RBFOX1: variants seen among roughly 807,000 people sequenced by gnomAD.
RBFOX1 encodes RNA binding protein fox-1 homolog 1.
RBFOX1 carries 8 observed loss-of-function variants against 57.7 expected under a neutral mutation model. The ratio of observed to expected loss-of-function variants is 0.14; its 90% confidence interval spans 0.08 to 0.25. The LOEUF (loss-of-function observed/expected upper bound fraction) is 0.25, where lower values mean the gene tolerates loss of function less well. Among genes scored for constraint, RBFOX1 ranks in the 10% least tolerant of loss-of-function variants. The pLI, the probability that RBFOX1 is intolerant of heterozygous loss-of-function variation, is 1.00. For missense variants in RBFOX1, 611 were observed against 548.5 expected (o/e 1.11, Z -1.14); for synonymous variants, 326 against 222.4 (o/e 1.47, Z -4.15).
At chr16:7,235,703 A>G (rs2093732850) in intron 4 of RBFOX1, among the ~76,000 whole-genome samples, 1 of 152,166 alleles carries the variant, frequency 6.6e-6, no homozygotes, top group Non-Finnish European at 1.5e-5. Context: ...GTTGGAGAGA[A>G]GTTGTCTCTT....
At chr16:7,227,847 C>G (rs1376647061) in intron 4 of RBFOX1, among the ~76,000 whole-genome samples, 1 of 152,220 alleles carries the variant, frequency 6.6e-6, no homozygotes, top group Non-Finnish European at 1.5e-5. Context: ...ATGATGACTT[C>G]TGTACTGGCT....
chr16:5,881,914 C>T (rs2057773645), intron 4 of RBFOX1, among the ~76,000 whole-genome samples: 1 of 152,192 alleles, frequency 6.6e-6, no homozygotes, highest in Non-Finnish European at 1.5e-5. Flanking sequence ...ATAATTACTT[C>T]AGTAGCAGTG....
At chr16:7,431,864 C>A (rs1208916951) in intron 4 of RBFOX1, among the ~76,000 whole-genome samples, 4 of 152,172 alleles carry the variant, frequency 2.6e-5, no homozygotes, top group Admixed American at 2.6e-4. Context: ...GTAATTAGCT[C>A]CCCATTAGAA....
At chr16:5,335,816 A>C (rs570526823) in intron 1 of RBFOX1, among the ~76,000 whole-genome samples, 3 of 152,158 alleles carry the variant, frequency 2.0e-5, no homozygotes, top group African/African-American at 7.2e-5. Context: ...CCTTGTGTGC[A>C]TAAGTGAATG....
chr16:7,027,424 C>G (rs1490383931), intron 3 of RBFOX1, among the ~76,000 whole-genome samples: 2 of 152,120 alleles, frequency 1.3e-5, no homozygotes, highest in Non-Finnish European at 2.9e-5. Flanking sequence ...CCCTTAACAT[C>G]TCCTTTTTTC....
chr16:7,413,765 G>C (rs1333955916), intron 4 of RBFOX1, among the ~76,000 whole-genome samples: 1 of 152,144 alleles, frequency 6.6e-6, no homozygotes, highest in Non-Finnish European at 1.5e-5. Flanking sequence ...TTAATGACAA[G>C]AGTATTTTCC....
intron 4 of RBFOX1, among the ~76,000 whole-genome samples, chr16:7,179,112 C>G (rs553308271): frequency 3.9e-5 from 6 of 152,104 alleles, no homozygotes; most frequent in African/African-American, 1.2e-4. Context: ...TGGTCAGATC[C>G]CAGATTACTC....
intron 1 of RBFOX1, among the ~76,000 whole-genome samples, chr16:6,290,421 G>A (rs13338389): frequency 1.1e-4 from 17 of 151,846 alleles, no homozygotes; most frequent in Middle Eastern, 3.4e-3. Context: ...AGCTTGGATC[G>A]TTGTATTTAG....
At chr16:5,342,444 T>C (rs2065052853) in intron 1 of RBFOX1, among the ~76,000 whole-genome samples, 1 of 152,190 alleles carries the variant, frequency 6.6e-6, no homozygotes, top group Non-Finnish European at 1.5e-5. Context: ...CTCTATTTCT[T>C]CCTGCTCTGT....
At position 5,610,980 on chromosome 16, in the gene RBFOX1, C is replaced by G. The variant is rs539263791; in HGVS notation, c.318+12019C>G. 2.0e-5 allele frequency among the ~76,000 whole-genome samples: 3 copies of G among 152,328 alleles called. No homozygotes were observed. The East Asian group carries it at 5.8e-4, about 29-fold the overall frequency. On this transcript the variant is annotated intron_variant, in intron 3 of 19. Transcript: ENST00000641259. The stretch of plus-strand genomic sequence containing the variant: ...GGTTCTCAGGCTAAAATCCAAACTC[C>G]TTGACACAGCTTACAGAGCATCCTA...
intron 1 of RBFOX1, among the ~76,000 whole-genome samples, chr16:6,041,454 G>A (rs1177059044): frequency 3.3e-5 from 5 of 152,226 alleles, no homozygotes; most frequent in Admixed American, 6.5e-5. Context: ...GTTGGGCACT[G>A]TTCTTTCTTA....
intron 1 of RBFOX1, among the ~76,000 whole-genome samples, chr16:5,273,055 C>T (rs535636876): frequency 6.6e-6 from 1 of 152,002 alleles, no homozygotes; most frequent in Admixed American, 6.6e-5. Flanking sequence ...GTACTGCCAC[C>T]GGGGAGAAAT....
intron 4 of RBFOX1, among the ~76,000 whole-genome samples, chr16:7,333,995 A>G (rs1472266566): frequency 6.6e-6 from 1 of 152,174 alleles, no homozygotes; most frequent in Non-Finnish European, 1.5e-5. Context: ...AAATATATTT[A>G]GGTACGTCCT....
intron 8 of RBFOX1, among the ~76,000 whole-genome samples, chr16:7,596,455 G>T (rs2094705803): frequency 6.6e-6 from 1 of 151,734 alleles, no homozygotes. Context: ...CGACGATAAC[G>T]CTTAGGCCCC....
chr16:6,875,229 A>G (rs974800995), intron 3 of RBFOX1, among the ~76,000 whole-genome samples: 1 of 152,216 alleles, frequency 6.6e-6, no homozygotes, highest in African/African-American at 2.4e-5. Flanking sequence ...TATTATCACT[A>G]TTGTAATTCA....
At chr16:5,301,618 CAAA>C (rs60501583) in intron 1 of RBFOX1, among the ~76,000 whole-genome samples, 15 of 87,054 alleles carry the variant, frequency 1.7e-4, no homozygotes, top group Non-Finnish European at 1.1e-4. Flanking sequence ...GTCTCCATCT[CAAA>C]AAAAAAAAAA....
chr16:6,710,717 C>A (rs907893087), intron 3 of RBFOX1, among the ~76,000 whole-genome samples: 1 of 152,228 alleles, frequency 6.6e-6, no homozygotes, highest in African/African-American at 2.4e-5. Context: ...CCCTGCTTGC[C>A]CTCGGGTGGC....
intron 2 of RBFOX1, among the ~76,000 whole-genome samples, chr16:5,590,102 G>A (rs991358141): frequency 6.6e-6 from 1 of 152,068 alleles, no homozygotes; most frequent in Non-Finnish European, 1.5e-5. Flanking sequence ...TGTTATTTGG[G>A]CTAAATTGAC....
chr16:6,728,344 C>T lies in RBFOX1; in HGVS notation c.-16+73694C>T, dbSNP rs1401926903. On this transcript the variant is annotated intron_variant, in intron 3 of 15. Coordinates refer to ENST00000550418, the MANE Select transcript of RBFOX1 (RefSeq NM_018723.4). ...AACGTAACTTGAGCAAATTTCTCTCCTGTATAAACAGTTAAATCCCAATGT... is the reference window on the plus strand; with the variant it reads ...AACGTAACTTGAGCAAATTTCTCTCTTGTATAAACAGTTAAATCCCAATGT... Among the ~76,000 whole-genome samples the T allele has an allele frequency of 2.1e-5, 3 of 142,866 alleles. No individual in the cohort carries two copies. In the East Asian group the frequency reaches 6.5e-4, roughly 31 times the overall value. The allele number at this position is 142,866 out of a possible 152,430, so 93.7% of individuals were successfully genotyped here.
Sources: allele counts gnomAD v4.1 joint callset (sites outside exome capture counted in the v4.1 genomes callset), GRCh38; gene constraint gnomAD v4.1.1; transcripts MANE v1.5; gene names NCBI Gene and HGNC (gene_info 2026-07-23, HGNC 2026-07-21).